ELAPOR1: variants seen among roughly 807,000 people sequenced by gnomAD.
ELAPOR1 encodes endosome/lysosome-associated apoptosis and autophagy regulator 1.
Under a neutral mutation model 119.7 loss-of-function variants are expected in ELAPOR1, and 77 were observed. The observed-to-expected ratio is 0.64, with a 90% CI of 0.54 to 0.78. ELAPOR1 has a LOEUF of 0.78. Among genes scored for constraint, ELAPOR1 ranks in the 30% least tolerant of loss-of-function variants. ELAPOR1 has a pLI of 0.00. For missense variants in ELAPOR1, 1,115 were observed against 1,270.4 expected (o/e 0.88, Z 1.86); for synonymous variants, 481 against 487.2 (o/e 0.99, Z 0.17).
At chr1:109,159,691 CA>C (rs1456572938) in intron 1 of ELAPOR1, among the ~76,000 whole-genome samples, 3 of 152,170 alleles carry the variant, frequency 2.0e-5, no homozygotes, top group African/African-American at 7.2e-5. Context: ...TGACTTTGGA[CA>C]AGCTATCACA....
At chr1:109,132,850 C>T (rs565172604) in intron 1 of ELAPOR1, among the ~76,000 whole-genome samples, 6 of 152,112 alleles carry the variant, frequency 3.9e-5, no homozygotes, top group African/African-American at 1.4e-4. Flanking sequence ...TAATTGTGCC[C>T]CTATCTACAA....
intron 5 of ELAPOR1, 56 bp from the exon 6 acceptor site, chr1:109,173,418 C>A: frequency 6.9e-7 from 1 of 1,454,434 alleles, no homozygotes; most frequent in South Asian, 1.2e-5. Flanking sequence ...GCTATACCAA[C>A]AGATTAGCGA....
At chr1:109,160,383 A>G (rs749776612) in intron 1 of ELAPOR1, among the ~76,000 whole-genome samples, 1 of 151,986 alleles carries the variant, frequency 6.6e-6, no homozygotes, top group Non-Finnish European at 1.5e-5. Context: ...CTAAGACACC[A>G]TTTTTTTAAT....
chr1:109,189,987 A>G (rs1000055141), intron 11 of ELAPOR1, among the ~76,000 whole-genome samples: 2 of 152,182 alleles, frequency 1.3e-5, no homozygotes, highest in African/African-American at 4.8e-5. Context: ...AATAAAAATA[A>G]AAAATAATGG....
At chr1:109,130,749 C>A in intron 1 of ELAPOR1, among the ~76,000 whole-genome samples, 1 of 152,158 alleles carries the variant, frequency 6.6e-6, no homozygotes, top group East Asian at 1.9e-4. Flanking sequence ...AAACTATAAT[C>A]TTTTTCAAAA....
chr1:109,187,871 A>G, intron 8 of ELAPOR1: 1 of 1,084,028 alleles, frequency 9.2e-7, no homozygotes, highest in South Asian at 4.4e-5. Context: ...AAGATTCTAC[A>G]GTGGAATCGG....
chr1:109,135,440 C>T (rs113832197), intron 1 of ELAPOR1, among the ~76,000 whole-genome samples: 11,138 of 152,082 alleles, frequency 0.073, 525 homozygotes, highest in African/African-American at 0.14. Flanking sequence ...AACGGTTTCA[C>T]CACATGACCA....
chr1:109,182,684 G>A (rs948658167), intron 7 of ELAPOR1, among the ~76,000 whole-genome samples: 8 of 151,886 alleles, frequency 5.3e-5, no homozygotes, highest in South Asian at 2.1e-4. Flanking sequence ...TGGCTAACAC[G>A]GTGAAACCCT....
chr1:109,160,878 GT>G (rs1270730239), intron 1 of ELAPOR1, among the ~76,000 whole-genome samples: 1 of 152,152 alleles, frequency 6.6e-6, no homozygotes, highest in Non-Finnish European at 1.5e-5. Flanking sequence ...TGTTTTCTTT[GT>G]TCTGAGTGGA....
Position 109,161,947 on chromosome 1 carries a change from G to A in ELAPOR1, c.207G>A (p.Arg69=), listed in dbSNP as rs1651288135. Residue 69 remains arginine, a synonymous_variant, in exon 2 of 22, where the codon AGG becomes AGA. Transcript: ENST00000369939. ...TACDSTGSRW[R]VAVPHTPGLC... ...GTGACAGCACGGGTTCCAGGTGGAG[G>A]GTCGCCGTGCCGCATACCCCGGGCC... 2 of 1,614,070 alleles carry A rather than the reference G, an allele frequency of 1.2e-6. No individual in the cohort carries two copies. The highest frequency in any genetic ancestry group is 1.7e-6 in the Non-Finnish European group (2 of 1,179,946).
At position 109,148,418 on chromosome 1, in the gene ELAPOR1, C is replaced by T. The variant is rs916752808; in HGVS notation, c.154-13476C>T. On this transcript the variant is annotated intron_variant, in intron 1 of 21. Transcript: ENST00000369939. ...CCTCCCAAAGTGCTAGGATTACAGGCGTGAGCCACTGTGCCCAGCCAAGTC... is the reference window on the plus strand; with the variant it reads ...CCTCCCAAAGTGCTAGGATTACAGGTGTGAGCCACTGTGCCCAGCCAAGTC... Among the ~76,000 whole-genome samples the T allele has an allele frequency of 3.9e-5, 6 of 152,256 alleles. No homozygotes were observed. In the South Asian group the frequency reaches 6.2e-4, roughly 16 times the overall value.
At chr1:109,132,330 C>G (rs909495808) in intron 1 of ELAPOR1, among the ~76,000 whole-genome samples, 3 of 151,886 alleles carry the variant, frequency 2.0e-5, no homozygotes, top group African/African-American at 7.3e-5. Context: ...GTATTTTTAG[C>G]AGAGATGGGG....
Position 109,162,102 on chromosome 1 carries a change from G to A in ELAPOR1, c.274+88G>A, listed in dbSNP as rs1429697474. ...CTGCCATCCAATCTGGGCCCTTCCT[G>A]GCAGAGCAGCTGCATTAAGGAATCA... On this transcript the variant is annotated intron_variant, in intron 2 of 21. Transcript: ENST00000369939. The A allele has an allele frequency of 4.2e-6, 6 of 1,431,046 alleles. No individual in the cohort carries two copies. In the South Asian group the frequency reaches 6.4e-5, roughly 15 times the overall value. 88.6% of individuals were successfully genotyped at this position (1,431,046 alleles called of 1,614,324 possible).
At chr1:109,120,395 T>TTAAAA (rs111497710) in intron 1 of ELAPOR1, among the ~76,000 whole-genome samples, 9,035 of 147,844 alleles carry the variant, frequency 0.061, 319 homozygotes, top group Middle Eastern at 0.09. Flanking sequence ...AGACTCTGTC[T>TTAAAA]TAAAATAAAA....
At chr1:109,180,544 C>T (rs1652630370) in intron 7 of ELAPOR1, among the ~76,000 whole-genome samples, 2 of 152,046 alleles carry the variant, frequency 1.3e-5, no homozygotes, top group Non-Finnish European at 2.9e-5. Context: ...ATTATATCTG[C>T]CTCATAGTGT....
intron 21 of ELAPOR1, 70 bp downstream of exon 21, chr1:109,200,970 A>G: frequency 6.7e-7 from 1 of 1,492,578 alleles, no homozygotes; most frequent in South Asian, 1.2e-5. Flanking sequence ...TCAGACACTG[A>G]ATGGTCCTGT....
chr1:109,117,017 C>T (rs111383777), intron 1 of ELAPOR1, among the ~76,000 whole-genome samples: 16 of 151,766 alleles, frequency 1.1e-4, no homozygotes, highest in Non-Finnish European at 2.2e-4. Context: ...AATCTTCATA[C>T]GAATTTCTTG....
intron 3 of ELAPOR1, among the ~76,000 whole-genome samples, chr1:109,168,009 T>C (rs1010515776): frequency 1.3e-5 from 2 of 152,132 alleles, no homozygotes; most frequent in East Asian, 3.9e-4. Context: ...TCCCACAGCC[T>C]GCAGGGCCCT....
chr1:109,154,586 C>A (rs1192288993), intron 1 of ELAPOR1, among the ~76,000 whole-genome samples: 2 of 152,172 alleles, frequency 1.3e-5, no homozygotes, highest in East Asian at 3.9e-4. Flanking sequence ...CTGGAGGCCC[C>A]ATTTGAGGGG....
Sources: gnomAD v4.1 joint callset for allele counts (sites outside exome capture counted in the v4.1 genomes callset) on GRCh38, gnomAD v4.1.1 for gene constraint, MANE v1.5 for transcripts, NCBI Gene and HGNC (gene_info 2026-07-23, HGNC 2026-07-21) for gene names.